The following CR2 variants were observed in gnomAD, a reference collection of about 807,000 sequenced individuals.
The protein encoded by CR2 is complement C3d receptor 2, also known as complement receptor type 2.
A neutral mutation model predicts 123.0 loss-of-function variants in CR2; 96 were observed. The observed-to-expected ratio is 0.78, with a 90% CI of 0.66 to 0.93. The LOEUF is 0.93. Among genes scored for constraint, CR2 ranks in the 40% least tolerant of loss-of-function variants. CR2 has a pLI of 0.00. For missense variants in CR2, 1,258 were observed against 1,361.0 expected, an observed-to-expected ratio of 0.92 and a Z score of 1.19; for synonymous variants, 484 against 469.5, an observed-to-expected ratio of 1.03 and a Z score of -0.40.
At position 207,470,796 on chromosome 1, in the gene CR2, C is replaced by T. The variant is rs373176986; in HGVS notation, c.1282C>T (p.Arg428Cys). ...NGQKEDRHMV[R>C]FDPGTSIKYS... ...GCAAAAGGAAGATAGACACATGGTC[C>T]GCTTTGACCCTGGAACATCTATAAA... Residue 428 changes from arginine (R) to cysteine (C), a missense_variant, in exon 7 of 20, where the codon CGC becomes TGC. By Grantham distance (180) the Arg-to-Cys change is radical (BLOSUM62 -3). Coordinates refer to ENST00000367057, the MANE Select transcript of CR2 (RefSeq NM_001006658.3). The T allele has an allele frequency of 7.7e-5, 125 of 1,613,868 alleles. 1 individual carries two copies. The South Asian group carries it at 1.2e-3, about 15-fold the overall frequency.
In CR2 at chr1:207,474,991, T is replaced by G; in HGVS notation, c.2491T>G (p.Trp831Gly). ...AAGTGATTCTAAAGGACATGGATCT[T>G]GGAGCGGGCCTTCCCCACAGTGCTT... is the stretch of plus-strand genomic sequence containing the variant. ...CRSDSKGHGS[W>G]SGPSPQCLRS... Residue 831 changes from tryptophan (W) to glycine (G), a missense_variant, in exon 14 of 20, where the codon TGG becomes GGG. Physicochemically the swap from Trp to Gly is radical, Grantham distance 184 (BLOSUM62 -2). Transcript: ENST00000367057. 6.2e-7 allele frequency: 1 copy of G among 1,614,154 alleles called. No individual in the cohort carries two copies. The highest frequency in any genetic ancestry group is 1.3e-5 in the African/African-American group (1 of 75,044).
At chr1:207,474,140 C>T (rs1658366034) in intron 12 of CR2, 101 bp from the exon 13 acceptor site, 4 of 1,076,896 alleles carry the variant, frequency 3.7e-6, no homozygotes, top group Admixed American at 1.8e-5. Flanking sequence ...AATTTCAACT[C>T]CTCTCTGCCA....
chr1:207,469,307 TAC>T (rs1253641552), intron 5 of CR2, 75 bp downstream of exon 5: 1 of 1,051,674 alleles, frequency 9.5e-7, no homozygotes, highest in Non-Finnish European at 1.5e-6. Flanking sequence ...GTCATTACCT[TAC>T]AGACTCTTAC....
At position 207,454,433 on chromosome 1, in the gene CR2, C is replaced by T. The variant is rs750162328; in HGVS notation, c.15C>T (p.Gly5=). 1 of 1,585,028 alleles carries T rather than the reference C, an allele frequency of 6.3e-7. No homozygotes were observed. The highest frequency in any genetic ancestry group is 1.7e-5 in the Admixed American group (1 of 58,210). ...TCGGCCGTGGCATGGGCGCCGCGGG[C>T]CTGCTCGGGGTTTTCTTGGCTCTCG... MGAA[G]LLGVFLALVA... is the part of the protein sequence containing the mutation. Residue 5 remains glycine, a synonymous_variant, in exon 1 of 20, where the codon GGC becomes GGT. Coordinates refer to ENST00000367057, the MANE Select transcript of CR2 (RefSeq NM_001006658.3). This position sits in a 1 kb window ranked among gnomAD's most constrained non-coding sequence, Gnocchi z 4.3.
At chr1:207,473,748 C>T (rs201883553) in intron 11 of CR2, 27 bp downstream of exon 11, 2 of 1,613,934 alleles carry the variant, frequency 1.2e-6, no homozygotes, top group Admixed American at 3.3e-5. Context: ...AGTTGTCCTT[C>T]TCTTTGATAT....
At position 207,479,203 on chromosome 1, in the gene CR2, T is replaced by A. The variant is rs77828994; in HGVS notation, c.3089-54T>A. 5.1e-6 allele frequency: 7 copies of A among 1,372,030 alleles called. No homozygotes were observed. In the South Asian group the frequency reaches 8.1e-5, roughly 16 times the overall value. The allele number at this position is 1,372,030 out of a possible 1,614,324, so 85.0% of individuals were successfully genotyped here. A position where few individuals can be genotyped will look rare whatever the true frequency, so the allele number is the denominator to read the frequency against. ...CATTACCATGAAACGTGGGGCTACA[T>A]TGAATTATGACACTATACTGATAAT... On this transcript the variant is annotated intron_variant, in intron 16 of 19. Transcript: ENST00000367057.
At chr1:207,480,475 A>G (rs1209959140) in intron 18 of CR2, among the ~76,000 whole-genome samples, 8 of 152,146 alleles carry the variant, frequency 5.3e-5, no homozygotes, top group Admixed American at 5.2e-4. Flanking sequence ...CAGTTACTAA[A>G]TAGCATATTA....
chr1:207,473,712 C>A lies in CR2; in HGVS notation c.2146C>A (p.Arg716=), dbSNP rs144014118. 3.7e-6 allele frequency: 6 copies of A among 1,613,808 alleles called. No homozygotes were observed. The highest frequency in any genetic ancestry group is 4.2e-6 in the Non-Finnish European group (5 of 1,179,866). Residue 716 remains arginine, a synonymous_variant, in exon 11 of 20, where the codon CGG becomes AGG. Coordinates refer to ENST00000367057, the MANE Select transcript of CR2 (RefSeq NM_001006658.3). ...AGGAAATTGGAGTCCTTCTGCCCCA[C>A]GGTGTGAAGGTACTTTAAGTTCCAG... is the stretch of plus-strand genomic sequence containing the variant. ...PSGNWSPSAP[R]CEETCQHVRQ...
intron 18 of CR2, among the ~76,000 whole-genome samples, chr1:207,484,649 G>C (rs531922537): frequency 2.6e-5 from 4 of 152,300 alleles, no homozygotes; most frequent in African/African-American, 9.6e-5. Flanking sequence ...GTCTTTAGCA[G>C]TATTCTTTCT....
Position 207,454,512 on chromosome 1 carries a change from G to C in CR2, c.58+36G>C. On this transcript the variant is annotated intron_variant, in intron 1 of 19. Transcript: ENST00000367057. This position sits in a 1 kb window ranked among gnomAD's most constrained non-coding sequence, Gnocchi z 4.3. ...AGGGGGAGCACGGAGGTGGGGACGC[G>C]TCCCGGGCAGGGAAAGTTTCTGTGC... 1 of 1,454,782 alleles carries C rather than the reference G, an allele frequency of 6.9e-7. No individual in the cohort carries two copies. 90.1% of individuals were successfully genotyped at this position (1,454,782 alleles called of 1,614,324 possible).
At chr1:207,486,730 G>C (rs1658759962) in intron 19 of CR2, among the ~76,000 whole-genome samples, 1 of 152,168 alleles carries the variant, frequency 6.6e-6, no homozygotes, top group South Asian at 2.1e-4. Flanking sequence ...AGGATTCGTG[G>C]ATAGTTTGTA....
chr1:207,466,752 A>G lies in CR2; in HGVS notation c.285A>G (p.Ile95Met). The change falls in exon 2 of 20, where the codon ATA (isoleucine) becomes ATG (methionine). Residue 95 changes from isoleucine to methionine, a missense_variant. Ile to Met is a conservative substitution (Grantham distance 10). Coordinates refer to ENST00000367057, the MANE Select transcript of CR2 (RefSeq NM_001006658.3). ...FNKYSSCPEPIVPGGYKIRGS... is the reference protein window; with the variant it reads ...FNKYSSCPEPMVPGGYKIRGS... ...AATATTCTTCTTGCCCTGAGCCCATAGTACCAGGAGGATACAAAATTAGAG... is the reference window on the plus strand; with the variant it reads ...AATATTCTTCTTGCCCTGAGCCCATGGTACCAGGAGGATACAAAATTAGAG... The G allele has an allele frequency of 6.2e-7, 1 of 1,614,040 alleles. No individual in the cohort carries two copies.
At chr1:207,479,907 C>G (rs1658556338) in intron 17 of CR2, 71 bp from the exon 18 acceptor site, 2 of 1,103,528 alleles carry the variant, frequency 1.8e-6, no homozygotes, top group Non-Finnish European at 2.8e-6. Context: ...TAGCAATAGG[C>G]CCTGCAATCA....
At chr1:207,461,699 G>A (rs1189251605) in intron 1 of CR2, among the ~76,000 whole-genome samples, 6 of 152,080 alleles carry the variant, frequency 3.9e-5, no homozygotes, top group Non-Finnish European at 7.4e-5. Context: ...GAGATATCTT[G>A]CAAATACAAA....
chr1:207,464,431 G>A (rs1658042388), intron 1 of CR2, among the ~76,000 whole-genome samples: 1 of 152,222 alleles, frequency 6.6e-6, no homozygotes, highest in Non-Finnish European at 1.5e-5. Context: ...GACTTTGACA[G>A]CAGCAGCAGG....
intron 1 of CR2, among the ~76,000 whole-genome samples, chr1:207,465,146 T>C (rs970338993): frequency 1.3e-5 from 2 of 152,114 alleles, no homozygotes; most frequent in African/African-American, 4.8e-5. Context: ...ACCAGGCTGG[T>C]CTTGAACTCC....
intron 10 of CR2, 57 bp from the exon 11 acceptor site, chr1:207,473,488 G>A (rs1228313049): frequency 4.6e-6 from 7 of 1,532,524 alleles, no homozygotes; most frequent in South Asian, 1.1e-5. Flanking sequence ...TACACTTAGT[G>A]TTCTTGAGTA....
intron 1 of CR2, among the ~76,000 whole-genome samples, chr1:207,457,745 T>TA (rs1657868388): frequency 6.6e-6 from 1 of 152,140 alleles, no homozygotes; most frequent in South Asian, 2.1e-4. Flanking sequence ...AAGACACTCT[T>TA]ACCTGTTTTT....
intron 1 of CR2, among the ~76,000 whole-genome samples, chr1:207,460,919 T>C (rs1259121667): frequency 6.6e-6 from 1 of 152,146 alleles, no homozygotes; most frequent in Non-Finnish European, 1.5e-5. Flanking sequence ...TATTTTCTCC[T>C]CTCTAGGCAT....
Sources: allele counts gnomAD v4.1 joint callset (sites outside exome capture counted in the v4.1 genomes callset), GRCh38; gene constraint gnomAD v4.1.1; non-coding constraint Gnocchi (gnomAD v3.1); transcripts MANE v1.5; gene names NCBI Gene and HGNC (gene_info 2026-07-23, HGNC 2026-07-21).